Variants in WDPCP observed in about 807,000 individuals in gnomAD.
WDPCP encodes WD repeat-containing and planar cell polarity effector protein fritz homolog.
A neutral mutation model predicts 93.1 loss-of-function variants in WDPCP; 71 were observed. The observed-to-expected ratio is 0.76, with a 90% CI of 0.63 to 0.93. The LOEUF (loss-of-function observed/expected upper bound fraction) is 0.93, where lower values mean the gene tolerates loss of function less well. WDPCP is among the 40% of genes least tolerant of loss of function. The probability of loss-of-function intolerance (pLI) is 0.00; values close to 1 mark genes in which losing one functional copy is unlikely to be tolerated. For missense variants in WDPCP, 844 were observed against 887.4 expected (o/e 0.95, Z 0.62); for synonymous variants, 315 against 315.0 (o/e 1.00, Z 0.00).
At chr2:63,381,346 T>C (rs1003248619) in intron 11 of WDPCP, among the ~76,000 whole-genome samples, 4 of 152,038 alleles carry the variant, frequency 2.6e-5, no homozygotes, top group Non-Finnish European at 1.5e-5. Context: ...AAATTACTTA[T>C]TGGGCAAAGG....
intron 1 of WDPCP, among the ~76,000 whole-genome samples, chr2:63,568,473 C>T (rs576457891): frequency 2.0e-5 from 3 of 152,220 alleles, no homozygotes; most frequent in South Asian, 2.1e-4. Flanking sequence ...TTCCCACTGC[C>T]GTAAAGAAAT....
chr2:63,562,531 A>C (rs1575654704), intron 1 of WDPCP, among the ~76,000 whole-genome samples: 1 of 152,174 alleles, frequency 6.6e-6, no homozygotes, highest in African/African-American at 2.4e-5. Flanking sequence ...AAAAATAATA[A>C]AATTTTTAAA....
chr2:63,389,073 G>C (rs577456283), intron 10 of WDPCP, among the ~76,000 whole-genome samples: 2 of 152,148 alleles, frequency 1.3e-5, no homozygotes, highest in East Asian at 1.9e-4. Context: ...TCCTCAAGAA[G>C]AGCAACCCCA....
chr2:63,224,262 A>G (rs918804508), intron 14 of WDPCP, among the ~76,000 whole-genome samples: 29 of 152,038 alleles, frequency 1.9e-4, no homozygotes, highest in African/African-American at 7.0e-4. Flanking sequence ...ATGCGGTGGA[A>G]CAACAAGGAT....
rs140275157 is a variant in WDPCP, at chr2:63,566,572, C to G, written c.75+21625G>C. ...CCTCAACCTTGGCAAAATAAACTTC[C>G]TAAATTAACTGAGACCTGTCTCAGA... On this transcript the variant is annotated intron_variant, in intron 1 of 17. Transcript: ENST00000272321. 1.3e-4 allele frequency among the ~76,000 whole-genome samples: 20 copies of G among 152,286 alleles called. No homozygotes were observed. In the East Asian group the frequency reaches 3.7e-3, roughly 28 times the overall value.
chr2:63,529,772 G>C (rs1390670095), intron 1 of WDPCP, among the ~76,000 whole-genome samples: 1 of 152,174 alleles, frequency 6.6e-6, no homozygotes. Context: ...AGAAGGAATG[G>C]TACCAGCTCC....
intron 2 of WDPCP, among the ~76,000 whole-genome samples, chr2:63,749,054 G>C (rs1669839972): frequency 6.6e-6 from 1 of 152,022 alleles, no homozygotes; most frequent in South Asian, 2.1e-4. Context: ...TTTACCTCCT[G>C]TACTCTTTGC....
At chr2:63,219,943 A>C (rs1448234406) in intron 14 of WDPCP, among the ~76,000 whole-genome samples, 1 of 152,148 alleles carries the variant, frequency 6.6e-6, no homozygotes, top group African/African-American at 2.4e-5. Flanking sequence ...CAGAGGTTGC[A>C]GTAAGCCAAG....
intron 6 of WDPCP, among the ~76,000 whole-genome samples, chr2:63,455,193 A>T (rs1489745171): frequency 6.6e-6 from 1 of 152,048 alleles, no homozygotes; most frequent in Non-Finnish European, 1.5e-5. Flanking sequence ...GCAATCCACA[A>T]AGACAGTCAG....
At chr2:63,167,951 C>T (rs1673107670) in intron 15 of WDPCP, among the ~76,000 whole-genome samples, 1 of 151,734 alleles carries the variant, frequency 6.6e-6, no homozygotes, top group Non-Finnish European at 1.5e-5. Context: ...GCCATCTCTA[C>T]AAAAAATACA....
intron 1 of WDPCP, among the ~76,000 whole-genome samples, chr2:63,819,573 T>C (rs145826770): frequency 6.6e-6 from 1 of 152,318 alleles, no homozygotes; most frequent in East Asian, 1.9e-4. Flanking sequence ...CTTTCGGAGT[T>C]TTAATTCATA....
At chr2:63,127,408 C>A (rs186095037) in intron 17 of WDPCP, among the ~76,000 whole-genome samples, 83 of 151,894 alleles carry the variant, frequency 5.5e-4, no homozygotes, top group African/African-American at 2.0e-3. Flanking sequence ...CAAGCGTGAG[C>A]CACCGCACCC....
At chr2:63,188,435 A>T (rs1311833579) in intron 14 of WDPCP, among the ~76,000 whole-genome samples, 1 of 151,788 alleles carries the variant, frequency 6.6e-6, no homozygotes, top group Non-Finnish European at 1.5e-5. Flanking sequence ...TGCTTGCTTA[A>T]GTCTGCCATT....
intron 13 of WDPCP, among the ~76,000 whole-genome samples, chr2:63,292,225 T>C (rs890861514): frequency 8.5e-5 from 13 of 152,084 alleles, no homozygotes; most frequent in Non-Finnish European, 1.5e-4. Context: ...TTGGCTCTTT[T>C]AGTCTCCATA....
In WDPCP at chr2:63,242,228, T is replaced by C. The variant is rs370589854; in HGVS notation, c.1915+17079A>G. On this transcript the variant is annotated intron_variant, in intron 14 of 17. Transcript: ENST00000272321. Reference sequence around the variant, plus strand: ...CATTTTAAAAGGAGATGGCAACTTATAATGCTACAGCTTTTTTATAGCATA... The same window carrying C: ...CATTTTAAAAGGAGATGGCAACTTACAATGCTACAGCTTTTTTATAGCATA... Among the ~76,000 whole-genome samples the C allele has an allele frequency of 7.9e-5, 12 of 152,294 alleles. No homozygotes were observed. In the East Asian group the frequency reaches 1.2e-3, roughly 15 times the overall value.
At chr2:63,723,826 G>A (rs1045495441) in intron 2 of WDPCP, among the ~76,000 whole-genome samples, 3 of 151,902 alleles carry the variant, frequency 2.0e-5, no homozygotes, top group African/African-American at 7.3e-5. Context: ...AAAAAAAAAA[G>A]GAGAAGAAAA....
intron 2 of WDPCP, among the ~76,000 whole-genome samples, chr2:63,776,145 T>A (rs1161497354): frequency 1.3e-5 from 2 of 149,030 alleles, no homozygotes; most frequent in African/African-American, 5.0e-5. Context: ...ATGAAACAAC[T>A]GATAAACTGA....
At chr2:63,815,782 G>A (rs764279422) in intron 1 of WDPCP, among the ~76,000 whole-genome samples, 2 of 152,176 alleles carry the variant, frequency 1.3e-5, no homozygotes, top group Non-Finnish European at 2.9e-5. Flanking sequence ...TGAGATAAAT[G>A]TATCAAATTT....
chr2:63,246,280 T>C (rs1018197750), intron 14 of WDPCP, among the ~76,000 whole-genome samples: 3 of 152,198 alleles, frequency 2.0e-5, no homozygotes, highest in Non-Finnish European at 4.4e-5. Context: ...CAGGGCCATC[T>C]TTCCTGGTCG....
Sources: allele counts gnomAD v4.1 joint callset (sites outside exome capture counted in the v4.1 genomes callset), GRCh38; gene constraint gnomAD v4.1.1; transcripts MANE v1.5; gene names NCBI Gene and HGNC (gene_info 2026-07-23, HGNC 2026-07-21).